CDHR3: variants seen among roughly 807,000 people sequenced by gnomAD.
The protein encoded by CDHR3 is cadherin-related family member 3.
Under a neutral mutation model 86.6 loss-of-function variants are expected in CDHR3, and 79 were observed. The ratio of observed to expected loss-of-function variants is 0.91; its 90% confidence interval spans 0.76 to 1.10. The LOEUF is 1.10. CDHR3 is among the 50% of genes least tolerant of loss of function. The probability of loss-of-function intolerance (pLI) is 0.00; values close to 1 mark genes in which losing one functional copy is unlikely to be tolerated. For synonymous variants in CDHR3, 421 were observed against 402.4 expected, an observed-to-expected ratio of 1.05 and a Z score of -0.55; for missense variants, 1,081 against 1,077.6, an observed-to-expected ratio of 1.00 and a Z score of -0.04.
intron 10 of CDHR3, among the ~76,000 whole-genome samples, chr7:106,015,483 T>C (rs1221915242): frequency 2.0e-5 from 3 of 152,242 alleles, no homozygotes; most frequent in Non-Finnish European, 4.4e-5. Context: ...GCATACAAGA[T>C]TTTTCACCAT....
chr7:105,997,406 C>T (rs1297383694), intron 6 of CDHR3, among the ~76,000 whole-genome samples: 14 of 151,804 alleles, frequency 9.2e-5, no homozygotes, highest in Non-Finnish European at 2.1e-4. Flanking sequence ...CTCAATTTAT[C>T]TGCTGCTATT....
chr7:106,002,494 G>C (rs910770338), intron 7 of CDHR3, among the ~76,000 whole-genome samples: 7 of 152,142 alleles, frequency 4.6e-5, no homozygotes, highest in African/African-American at 1.7e-4. Context: ...CCAGTTATAG[G>C]TAGGTTACCT....
intron 1 of CDHR3, 98 bp from the exon 2 acceptor site, chr7:105,974,746 C>T: frequency 3.3e-6 from 3 of 896,196 alleles, no homozygotes; most frequent in Non-Finnish European, 5.4e-6. Context: ...CATCGTCACC[C>T]TGAGCTACGA....
intron 4 of CDHR3, among the ~76,000 whole-genome samples, chr7:105,991,477 A>G (rs1195205096): frequency 6.6e-6 from 1 of 152,116 alleles, no homozygotes; most frequent in Non-Finnish European, 1.5e-5. Context: ...ACAGTTCTCC[A>G]CATCCTTTTT....
chr7:105,965,286 A>G (rs868390245), intron 1 of CDHR3, among the ~76,000 whole-genome samples: 1 of 152,130 alleles, frequency 6.6e-6, no homozygotes, highest in Non-Finnish European at 1.5e-5. Flanking sequence ...AGCAGGCATC[A>G]CTATAATAAT....
In CDHR3 at chr7:106,033,979, T is replaced by C. The variant is rs1838705410; in HGVS notation, c.*1282T>C. Among the ~76,000 whole-genome samples the C allele has an allele frequency of 6.6e-6, 1 of 152,218 alleles. No individual in the cohort carries two copies. The highest frequency in any genetic ancestry group is 6.5e-5 in the Admixed American group (1 of 15,284). ...TTGGGATTGTCAATCCTTTTAACTT[T>C]AGCCATTCTGGTTAAAATTACTATT... On this transcript the variant is annotated 3_prime_UTR_variant, in exon 19 of 19. Transcript: ENST00000317716.
At chr7:106,017,608 C>CACAA (rs1835858526) in intron 11 of CDHR3, among the ~76,000 whole-genome samples, 1 of 147,638 alleles carries the variant, frequency 6.8e-6, no homozygotes, top group Non-Finnish European at 1.5e-5. Flanking sequence ...CACACACACA[C>CACAA]AAAGATATAA....
rs148646874 is a variant in CDHR3, at chr7:106,035,163, G to A, written c.*2466G>A. ...CTTCTCCAGTGATGACAGGGCAAGA[G>A]GGAATTGTGCTTAATGGCCAGAGAA... is the stretch of plus-strand genomic sequence containing the variant. On this transcript the variant is annotated 3_prime_UTR_variant, in exon 19 of 19. Transcript: ENST00000317716. Among the ~76,000 whole-genome samples, 155 of 152,298 alleles carry A rather than the reference G, an allele frequency of 1.0e-3. 2 individuals carry two copies. Among genetic ancestry groups the A allele is most frequent in the Admixed American group, 7.1e-3 (109 of 15,296 alleles).
rs1563245200 is a variant in CDHR3, at chr7:105,984,483, T to G, written c.513+194T>G. Among the ~76,000 whole-genome samples the G allele has an allele frequency of 2.6e-5, 4 of 152,146 alleles. No individual in the cohort carries two copies. The South Asian group carries it at 8.3e-4, about 32-fold the overall frequency. ...TGGGGCCAGACACTCTGGAGTGGAT[T>G]TGTGGCTCTGTGTGATCTAGGCCCA... On this transcript the variant is annotated intron_variant, in intron 4 of 18. Transcript: ENST00000317716.
chr7:106,000,899 C>CA (rs35254288), intron 6 of CDHR3, among the ~76,000 whole-genome samples: 34,936 of 90,370 alleles, frequency 0.39, 5,290 homozygotes, highest in Middle Eastern at 0.42. Context: ...TATCCTCAGG[C>CA]AAAAAAAAAA....
At chr7:106,002,742 T>C (rs1237580316) in intron 7 of CDHR3, among the ~76,000 whole-genome samples, 1 of 152,228 alleles carries the variant, frequency 6.6e-6, no homozygotes, top group Admixed American at 6.5e-5. Flanking sequence ...TCTCTAGTAG[T>C]CACATTTTTA....
intron 16 of CDHR3, chr7:106,028,293 T>A: frequency 2.1e-6 from 1 of 483,544 alleles, no homozygotes; most frequent in Non-Finnish European, 3.7e-6. Context: ...GGTCCACTGA[T>A]AATAAGCTAG....
At chr7:106,029,831 C>T (rs1838062808) in intron 17 of CDHR3, among the ~76,000 whole-genome samples, 1 of 152,220 alleles carries the variant, frequency 6.6e-6, no homozygotes, top group Non-Finnish European at 1.5e-5. Flanking sequence ...AGTCTCAGGT[C>T]TCCTGGGTCT....
At chr7:106,020,031 G>A (rs1480713738) in intron 12 of CDHR3, among the ~76,000 whole-genome samples, 3 of 147,648 alleles carry the variant, frequency 2.0e-5, no homozygotes, top group African/African-American at 5.0e-5. Context: ...ATGTGTCCAG[G>A]TGCATGTGTG....
chr7:106,001,033 C>T (rs1284770975), intron 6 of CDHR3, among the ~76,000 whole-genome samples: 1 of 152,104 alleles, frequency 6.6e-6, no homozygotes, highest in Non-Finnish European at 1.5e-5. Flanking sequence ...GAACCCGCAG[C>T]TCTGGACATG....
intron 11 of CDHR3, among the ~76,000 whole-genome samples, chr7:106,017,564 GACACACACACACACACAC>G (rs539661927): frequency 6.9e-5 from 9 of 130,638 alleles, no homozygotes; most frequent in Admixed American, 3.1e-4. Flanking sequence ...GTCACACACA[GACACACACACACACACAC>G]ACACACACAC....
Position 106,022,312 on chromosome 7 carries a change from A to G in CDHR3, c.1940A>G (p.Lys647Arg), listed in dbSNP as rs1258206556. ...GGGTTTGATAAGATCTGGGACTACA[A>G]GCTACTTGTCTACGTAACTGATGAC... ...AGGFDKIWDY[K>R]LLVYVTDDNL... The change falls in exon 14 of 19, where the codon AAG (lysine) becomes AGG (arginine). Residue 647 changes from lysine (K) to arginine (R), a missense_variant. Coordinates refer to ENST00000317716, the MANE Select transcript of CDHR3 (RefSeq NM_152750.5). 3.7e-6 allele frequency: 6 copies of G among 1,614,018 alleles called. No individual in the cohort carries two copies. Among genetic ancestry groups the G allele is most frequent in the African/African-American group, 1.3e-5 (1 of 75,040 alleles).
chr7:105,971,756 G>A (rs1828013268), intron 1 of CDHR3, among the ~76,000 whole-genome samples: 1 of 152,098 alleles, frequency 6.6e-6, no homozygotes, highest in African/African-American at 2.4e-5. Context: ...CTCCACTCGG[G>A]GTGAGGCTGT....
intron 15 of CDHR3, among the ~76,000 whole-genome samples, chr7:106,025,458 C>G (rs898371163): frequency 6.6e-6 from 1 of 152,140 alleles, no homozygotes; most frequent in African/African-American, 2.4e-5. Context: ...AGAGTAAATG[C>G]TTAGTACACT....
Sources: allele counts gnomAD v4.1 joint callset (sites outside exome capture counted in the v4.1 genomes callset), GRCh38; gene constraint gnomAD v4.1.1; transcripts MANE v1.5; gene names NCBI Gene and HGNC (gene_info 2026-07-23, HGNC 2026-07-21).